LRRC41: variants seen among roughly 807,000 people sequenced by gnomAD.
LRRC41 encodes leucine-rich repeat-containing protein 41.
In LRRC41, 17 loss-of-function variants were observed where a neutral mutation model predicts 72.1. That is an observed-to-expected ratio of 0.24 (90% CI 0.16 to 0.35). LRRC41 has a LOEUF of 0.35. LRRC41 is among the 10% of genes least tolerant of loss of function. The pLI is 1.00. For missense variants in LRRC41, 759 were observed against 1,065.0 expected, an observed-to-expected ratio of 0.71 and a Z score of 4.00; for synonymous variants, 427 against 431.0, an observed-to-expected ratio of 0.99 and a Z score of 0.11.
intron 7 of LRRC41, 137 bp downstream of exon 7, chr1:46,280,055 A>G: frequency 1.5e-6 from 1 of 675,614 alleles, no homozygotes; most frequent in Admixed American, 2.7e-5. Flanking sequence ...TTTTAGAAGG[A>G]AAATCATGCA....
intron 1 of LRRC41, 98 bp downstream of exon 1, chr1:46,303,026 G>A (rs1371982540): frequency 7.5e-7 from 1 of 1,337,382 alleles, no homozygotes; most frequent in African/African-American, 1.5e-5. Context: ...CCCAGGCTGG[G>A]CCTTGCCCCG....
Position 46,278,424 on chromosome 1 carries a change from A to C in LRRC41, c.*441T>G. 9.7e-7 allele frequency: 1 copy of C among 1,027,100 alleles called. No individual in the cohort carries two copies. Among genetic ancestry groups the C allele is most frequent in the East Asian group, 2.6e-5 (1 of 38,534 alleles). 63.6% of individuals were successfully genotyped at this position (1,027,100 alleles called of 1,614,324 possible). ...ATGATGTTTGCCCAAAATTTATTTT[A>C]TAAGAAAAACTTTTTTGGTTAAAAA... On this transcript the variant is annotated 3_prime_UTR_variant, in exon 10 of 10. Coordinates refer to ENST00000617190, the MANE Select transcript of LRRC41 (RefSeq NM_006369.5).
At chr1:46,300,785 G>A (rs929435682) in intron 1 of LRRC41, 1 of 152,370 alleles carries the variant, frequency 6.6e-6, no homozygotes. Context: ...TACACAAAGC[G>A]ATGCTAGTCC....
chr1:46,293,850 G>A (rs1046945287), intron 3 of LRRC41, among the ~76,000 whole-genome samples: 1 of 151,896 alleles, frequency 6.6e-6, no homozygotes, highest in African/African-American at 2.4e-5. Flanking sequence ...TTTAACCTCT[G>A]CCTCCTGGGT....
intron 7 of LRRC41, 87 bp downstream of exon 7, chr1:46,280,105 G>C: frequency 1.9e-6 from 2 of 1,036,618 alleles, no homozygotes; most frequent in Non-Finnish European, 3.0e-6. Flanking sequence ...ACAAGGCCAA[G>C]AAAGGAACAG....
At position 46,279,676 on chromosome 1, in the gene LRRC41, C is replaced by T; in HGVS notation, c.2021-62G>A. ...ATTAGGACTGGTGCTGCCCCTCCTG[C>T]CCCAGTTGGCCCTAGCAAGGGGTAT... On this transcript the variant is annotated intron_variant, in intron 7 of 9. Coordinates refer to ENST00000617190, the MANE Select transcript of LRRC41 (RefSeq NM_006369.5). The surrounding 1 kb of genome is among the most constrained non-coding windows in gnomAD (Gnocchi z 4.5). 1 of 1,603,592 alleles carries T rather than the reference C, an allele frequency of 6.2e-7. No individual in the cohort carries two copies. The highest frequency in any genetic ancestry group is 1.3e-5 in the African/African-American group (1 of 74,764).
chr1:46,286,221 C>A lies in LRRC41; in HGVS notation c.636G>T (p.Gln212His). 1 of 1,614,254 alleles carries A rather than the reference C, an allele frequency of 6.2e-7. No individual in the cohort carries two copies. Among genetic ancestry groups the A allele is most frequent in the Non-Finnish European group, 8.5e-7 (1 of 1,180,054 alleles). ...GCTGATGCAACAGCTGCCGAAGTGA[C>A]TGCTGAGCAGCCACATCAGAGAACA... ...HLLFSDVAAQ[Q>H]SLRQLLHQLI... The change falls in exon 4 of 10, where the codon CAG becomes CAT. Residue 212 changes from glutamine to histidine, a missense_variant. Coordinates refer to ENST00000617190, the MANE Select transcript of LRRC41 (RefSeq NM_006369.5). This position sits in a 1 kb window ranked among gnomAD's most constrained non-coding sequence, Gnocchi z 5.5.
Position 46,277,764 on chromosome 1 carries a change from T to G in LRRC41, c.*1101A>C. The G allele has an allele frequency of 6.5e-7, 1 of 1,542,022 alleles. No homozygotes were observed. Reference sequence around the variant, plus strand: ...CTTTGGTTTTCCTGCTCCCTTTTTATGAGGATGGCTAAGCGCTGTATCTTT... The same window carrying G: ...CTTTGGTTTTCCTGCTCCCTTTTTAGGAGGATGGCTAAGCGCTGTATCTTT... On this transcript the variant is annotated 3_prime_UTR_variant, in exon 10 of 10. Coordinates refer to ENST00000617190, the MANE Select transcript of LRRC41 (RefSeq NM_006369.5).
At chr1:46,290,345 G>C (rs1393569684) in intron 3 of LRRC41, among the ~76,000 whole-genome samples, 3 of 152,016 alleles carry the variant, frequency 2.0e-5, no homozygotes, top group Admixed American at 6.6e-5. Flanking sequence ...GGAGGTTGAG[G>C]CTGCAGTGAG....
At chr1:46,300,064 C>G (rs1661193546) in intron 1 of LRRC41, 1 of 152,050 alleles carries the variant, frequency 6.6e-6, no homozygotes, top group Non-Finnish European at 1.5e-5. Context: ...CAAACTCACA[C>G]CTGTAATTCC....
In LRRC41 at chr1:46,280,984, T is replaced by C. The variant is rs559363743; in HGVS notation, c.1756+141A>G. The C allele has an allele frequency of 5.7e-5, 68 of 1,185,076 alleles. No homozygotes were observed. In the East Asian group the frequency reaches 1.7e-3, roughly 29 times the overall value. 73.4% of individuals were successfully genotyped at this position (1,185,076 alleles called of 1,614,324 possible). On this transcript the variant is annotated intron_variant, in intron 5 of 9. Transcript: ENST00000617190. ...GCTCAAGAGTATCTTAGTGGTAGGC[T>C]CTAAAGGGGGGATAGGTTCCAGATA... is the stretch of plus-strand genomic sequence containing the variant.
In LRRC41 at chr1:46,284,546, C is replaced by G. The variant is rs562014789; in HGVS notation, c.1495+816G>C. 3 of 152,164 alleles carry G rather than the reference C, an allele frequency of 2.0e-5. No homozygotes were observed. The East Asian group carries it at 5.8e-4, about 29-fold the overall frequency. The allele number at this position is 152,164 out of a possible 1,614,324, so 9.4% of individuals were successfully genotyped here. On this transcript the variant is annotated intron_variant, in intron 4 of 9. Coordinates refer to ENST00000617190, the MANE Select transcript of LRRC41 (RefSeq NM_006369.5). ...TTTTTATATACTTTGTTGTGAAGCT[C>G]TATGCATCTAGAGCACAGGTGGGAG... is the stretch of plus-strand genomic sequence containing the variant.
chr1:46,296,517 G>A (rs1366614736), intron 3 of LRRC41, among the ~76,000 whole-genome samples: 2 of 152,188 alleles, frequency 1.3e-5, no homozygotes, highest in African/African-American at 4.8e-5. Flanking sequence ...TCTGGTACCT[G>A]GTTAAGTTTC....
In LRRC41 at chr1:46,279,815, T is replaced by C. The variant is rs1029539846; in HGVS notation, c.2021-201A>G. 6.6e-6 allele frequency among the ~76,000 whole-genome samples: 1 copy of C among 152,168 alleles called. No homozygotes were observed. Among genetic ancestry groups the C allele is most frequent in the African/African-American group, 2.4e-5 (1 of 41,440 alleles). On this transcript the variant is annotated intron_variant, in intron 7 of 9. Coordinates refer to ENST00000617190, the MANE Select transcript of LRRC41 (RefSeq NM_006369.5). The surrounding 1 kb of genome is among the most constrained non-coding windows in gnomAD (Gnocchi z 4.5). ...ACCTAAATGTTCCCTATAAGAAGGT[T>C]CTCTGCATGGACAATTCTCCATTCA... is the stretch of plus-strand genomic sequence containing the variant.
In LRRC41 at chr1:46,279,039, C is replaced by T. The variant is rs1240113447; in HGVS notation, c.2265G>A (p.Arg755=). 1 of 1,610,826 alleles carries T rather than the reference C, an allele frequency of 6.2e-7. No individual in the cohort carries two copies. Among genetic ancestry groups the T allele is most frequent in the Non-Finnish European group, 8.5e-7 (1 of 1,178,464 alleles). The stretch of plus-strand genomic sequence containing the variant: ...AGGCTCCACGGCCCCAGCGCTCCAG[C>T]CGCTTGGCGAACTCCAGAAGCCCAT... The part of the protein sequence containing the change: ...KPDGLLEFAK[R]LERWGRGAFG... The change falls in exon 10 of 10, where the codon CGG becomes CGA. Residue 755 remains arginine (R), a synonymous_variant. Transcript: ENST00000617190. This position sits in a 1 kb window ranked among gnomAD's most constrained non-coding sequence, Gnocchi z 4.5.
chr1:46,303,191 G>C lies in LRRC41; in HGVS notation c.132C>G (p.Pro44=), dbSNP rs754079702. The C allele has an allele frequency of 6.4e-7, 1 of 1,574,158 alleles. No individual in the cohort carries two copies. The highest frequency in any genetic ancestry group is 8.6e-7 in the Non-Finnish European group (1 of 1,164,980). ...CCCGCCCGCACAGCTCGAACAGGGC[G>C]GGGGGAGCGTTGGGGCCCGAGGCCG... ...KSSASGPNAP[P]ALFELCGRAV... is the part of the protein sequence containing the mutation. Residue 44 remains proline, a synonymous_variant, in exon 1 of 10, where the codon CCC becomes CCG. Coordinates refer to ENST00000617190, the MANE Select transcript of LRRC41 (RefSeq NM_006369.5).
At chr1:46,288,824 CAA>C (rs1417172560) in intron 3 of LRRC41, among the ~76,000 whole-genome samples, 1 of 152,228 alleles carries the variant, frequency 6.6e-6, no homozygotes, top group Non-Finnish European at 1.5e-5. Flanking sequence ...GCAGGAAAAA[CAA>C]TACCTGGCAA....
At chr1:46,301,642 G>A (rs1283792949) in intron 1 of LRRC41, among the ~76,000 whole-genome samples, 2 of 151,628 alleles carry the variant, frequency 1.3e-5, no homozygotes, top group Non-Finnish European at 2.9e-5. Context: ...CAAACTCCAG[G>A]GCCTTTTCCC....
intron 1 of LRRC41, among the ~76,000 whole-genome samples, chr1:46,301,544 C>T (rs1557720252): frequency 2.0e-5 from 3 of 151,988 alleles, no homozygotes. Flanking sequence ...CTATGCAGGA[C>T]ACTCAGGCCT....
Sources: allele counts gnomAD v4.1 joint callset (sites outside exome capture counted in the v4.1 genomes callset), GRCh38; gene constraint gnomAD v4.1.1; non-coding constraint Gnocchi (gnomAD v3.1); transcripts MANE v1.5; gene names NCBI Gene and HGNC (gene_info 2026-07-23, HGNC 2026-07-21).